Variants in MX1 observed in about 807,000 individuals in gnomAD.
MX1 encodes MX dynamin like GTPase 1.
Under a neutral mutation model 66.4 loss-of-function variants are expected in MX1, and 66 were observed. The ratio of observed to expected loss-of-function variants is 0.99; its 90% CI spans 0.82 to 1.22. MX1 has a LOEUF of 1.22. Among genes scored for constraint, MX1 ranks in the 50% most tolerant of loss-of-function variants. The pLI is 0.00. For synonymous variants in MX1, 311 were observed against 318.1 expected (o/e 0.98, Z 0.24); for missense variants, 787 against 834.3 (o/e 0.94, Z 0.70).
Position 41,458,627 on chromosome 21 carries a change from C to G in MX1, c.1858C>G (p.Leu620Val), listed in dbSNP as rs909825073. ...QQLQKAMLQL[L>V]QDKDTYSWLL... ...GCTTCAGAAGGCCATGCTGCAGCTC[C>G]TGCAGGACAAGGACACCTACAGCTG... is the stretch of plus-strand genomic sequence containing the variant. Residue 620 changes from leucine to valine, a missense_variant, in exon 17 of 17, where the codon CTG (leucine) becomes GTG (valine). Leu to Val is a conservative substitution (Grantham distance 32, BLOSUM62 1). Transcript: ENST00000398598. 12 of 1,614,152 alleles carry G rather than the reference C, an allele frequency of 7.4e-6. No individual in the cohort carries two copies. Among genetic ancestry groups the G allele is most frequent in the Non-Finnish European group, 9.3e-6 (11 of 1,180,060 alleles).
chr21:41,451,432 G>A (rs2090822356), intron 15 of MX1, among the ~76,000 whole-genome samples, 189 bp downstream of exon 15: 1 of 152,206 alleles, frequency 6.6e-6, no homozygotes, highest in South Asian at 2.1e-4. Flanking sequence ...AAAGGAGGGA[G>A]TGCTTAAACG....
Position 41,441,369 on chromosome 21 carries a change from C to A in MX1, c.730+344C>A, listed in dbSNP as rs867337078. 1.2e-5 allele frequency: 5 copies of A among 429,914 alleles called. No individual in the cohort carries two copies. The highest frequency in any genetic ancestry group is 6.3e-4 in the Middle Eastern group (1 of 1,588). The allele number at this position is 429,914 out of a possible 1,614,324, so 26.6% of individuals were successfully genotyped here. ...CAGAAAGGCACAGTGGGCTCGGAAG[C>A]AGGTCAAACTCAGGAGGCACATGGT... is the stretch of plus-strand genomic sequence containing the variant. On this transcript the variant is annotated intron_variant, in intron 9 of 16. Coordinates refer to ENST00000398598, the MANE Select transcript of MX1 (RefSeq NM_002462.5). This position sits in a 1 kb window ranked among gnomAD's most constrained non-coding sequence, Gnocchi z 4.0.
chr21:41,452,475 A>G, intron 15 of MX1, 146 bp from the exon 16 acceptor site: 1 of 866,050 alleles, frequency 1.2e-6, no homozygotes, highest in Non-Finnish European at 1.7e-6. Context: ...TAGATACACC[A>G]GGGCGCGGCC....
intron 5 of MX1, 117 bp from the exon 6 acceptor site, chr21:41,435,719 AC>A (rs2090338454): frequency 1.8e-6 from 2 of 1,136,372 alleles, no homozygotes; most frequent in South Asian, 2.9e-5. Context: ...CTCCCTTGAC[AC>A]GTAGGGATTA....
Position 41,451,188 on chromosome 21 carries a change from C to T in MX1, c.1454C>T (p.Thr485Ile). ...TTAGATATGGTCCGGCTTGCTTTCA[C>T]AGATGTTTCGATAAAAAATTTTGAA... Reference protein sequence around the residue: ...TVTDMVRLAFTDVSIKNFEEF... With the variant: ...TVTDMVRLAFIDVSIKNFEEF... The change falls in exon 15 of 17, where the codon ACA (threonine) becomes ATA (isoleucine). Residue 485 changes from threonine to isoleucine, a missense_variant. By Grantham distance (89) the Thr-to-Ile change is moderately conservative. Transcript: ENST00000398598. The T allele has an allele frequency of 1.9e-6, 3 of 1,611,906 alleles. No homozygotes were observed. Among genetic ancestry groups the T allele is most frequent in the Non-Finnish European group, 2.5e-6 (3 of 1,178,626 alleles).
upstream of MX1, among the ~76,000 whole-genome samples, chr21:41,421,662 C>T (rs1188152670): frequency 2.0e-5 from 3 of 152,180 alleles, no homozygotes; most frequent in Non-Finnish European, 4.4e-5. Context: ...TCCATTTAAC[C>T]CTGAGTGGAC....
chr21:41,433,335 C>A (rs2090274340), intron 5 of MX1, among the ~76,000 whole-genome samples: 1 of 152,208 alleles, frequency 6.6e-6, no homozygotes, highest in African/African-American at 2.4e-5. Context: ...CATGTGTAAA[C>A]CCTTGCACAT....
In MX1 at chr21:41,458,725, G is replaced by A. The variant is rs1432294657; in HGVS notation, c.1956G>A (p.Gln652=). 6.2e-7 allele frequency: 1 copy of A among 1,613,578 alleles called. No homozygotes were observed. Among genetic ancestry groups the A allele is most frequent in the Non-Finnish European group, 8.5e-7 (1 of 1,180,034 alleles). The change falls in exon 17 of 17, where the codon CAG becomes CAA. Residue 652 remains glutamine (Q), a synonymous_variant. Coordinates refer to ENST00000398598, the MANE Select transcript of MX1 (RefSeq NM_002462.5). The part of the protein sequence containing the change: ...FLKERLARLT[Q]ARRRLAQFPG Reference sequence around the variant, plus strand: ...AGGAGCGGCTTGCACGGCTGACGCAGGCTCGGCGCCGGCTTGCCCAGTTCC... The same window carrying A: ...AGGAGCGGCTTGCACGGCTGACGCAAGCTCGGCGCCGGCTTGCCCAGTTCC...
In MX1 at chr21:41,440,818, T is replaced by C. The variant is rs2090484404; in HGVS notation, c.592-69T>C. The C allele has an allele frequency of 1.9e-6, 3 of 1,589,764 alleles. No individual in the cohort carries two copies. In the South Asian group the frequency reaches 3.3e-5, roughly 18 times the overall value. ...CTTAGGGCCTAAAGCAAGTGCAAGG[T>C]CAGGACTTGTCTCACCTCTCACTTG... On this transcript the variant is annotated intron_variant, in intron 8 of 16. Coordinates refer to ENST00000398598, the MANE Select transcript of MX1 (RefSeq NM_002462.5).
rs141556368 is a variant in MX1, at chr21:41,443,845, C to T, written c.987C>T (p.Ser329=). 19 of 1,614,098 alleles carry T rather than the reference C, an allele frequency of 1.2e-5. No individual in the cohort carries two copies. The highest frequency in any genetic ancestry group is 1.6e-4 in the Middle Eastern group (1 of 6,084). ...CCTGCCTGGCAGAAAAACTTACCAG[C>T]GAGCTCATCACACATATCTGTGTAA... ...TVPCLAEKLT[S]ELITHICKSL... The change falls in exon 11 of 17, where the codon AGC becomes AGT. Residue 329 remains serine (S), a synonymous_variant. Coordinates refer to ENST00000398598, the MANE Select transcript of MX1 (RefSeq NM_002462.5).
At chr21:41,456,798 G>T (rs894205532) in intron 16 of MX1, among the ~76,000 whole-genome samples, 2 of 151,990 alleles carry the variant, frequency 1.3e-5, no homozygotes, top group Admixed American at 1.3e-4. Flanking sequence ...GTCTCACTCT[G>T]TCGCCCAGGC....
At chr21:41,434,634 A>G (rs1458308818) in intron 5 of MX1, among the ~76,000 whole-genome samples, 1 of 152,104 alleles carries the variant, frequency 6.6e-6, no homozygotes, top group East Asian at 1.9e-4. Flanking sequence ...CTTTAACTTA[A>G]TAAGTCAACC....
rs1601500612 is a variant in MX1, at chr21:41,440,501, A to G, written c.592-386A>G. ...CTCAAAACAAAAAACAAAACAAAAC[A>G]AGCAAGAAAGAAATAGGTATAATGA... On this transcript the variant is annotated intron_variant, in intron 8 of 16. Transcript: ENST00000398598. Among the ~76,000 whole-genome samples, 3 of 152,200 alleles carry G rather than the reference A, an allele frequency of 2.0e-5. No homozygotes were observed. The East Asian group carries it at 5.8e-4, about 29-fold the overall frequency.
chr21:41,448,711 C>T (rs1198091945), intron 13 of MX1, among the ~76,000 whole-genome samples: 3 of 152,016 alleles, frequency 2.0e-5, no homozygotes, highest in Admixed American at 6.6e-5. Flanking sequence ...GAGGCTGAGG[C>T]AGAAGAATGG....
At chr21:41,431,116 A>T (rs1187039726) in intron 4 of MX1, among the ~76,000 whole-genome samples, 1 of 152,150 alleles carries the variant, frequency 6.6e-6, no homozygotes, top group Non-Finnish European at 1.5e-5. Context: ...TTCACCTCCC[A>T]GGTTCAAGTG....
chr21:41,443,221 A>G (rs139816069), intron 10 of MX1, among the ~76,000 whole-genome samples: 2 of 152,326 alleles, frequency 1.3e-5, no homozygotes, highest in African/African-American at 4.8e-5. Flanking sequence ...TTATCCTAAA[A>G]TGTCCTATAA....
At chr21:41,431,242 C>T (rs1016025295) in intron 4 of MX1, among the ~76,000 whole-genome samples, 3 of 152,292 alleles carry the variant, frequency 2.0e-5, no homozygotes, top group Admixed American at 6.5e-5. Context: ...AAGCTCGCTT[C>T]GAACTCCTGA....
At chr21:41,449,111 TTA>T in intron 13 of MX1, 24 bp from the exon 14 acceptor site, 1 of 1,557,136 alleles carries the variant, frequency 6.4e-7, no homozygotes, top group Non-Finnish European at 8.7e-7. Flanking sequence ...GTAAAATAAT[TTA>T]GAGGGTTTTT....
rs769332382 is a variant in MX1 at position 41,452,687 on chromosome 21, C to T, written c.1576C>T (p.Gln526Ter). 15 of 1,614,074 alleles carry T rather than the reference C, an allele frequency of 9.3e-6. No homozygotes were observed. The highest frequency in any genetic ancestry group is 1.2e-5 in the Non-Finnish European group (14 of 1,180,046). The change falls in exon 16 of 17, where the codon CAG becomes TAG. Residue 526 changes from glutamine (Q) to a stop codon, truncating the protein, a stop_gained. Coordinates refer to ENST00000398598, the MANE Select transcript of MX1 (RefSeq NM_002462.5). LOFTEE classifies it high-confidence loss of function. ...TGAGAAGCTGATCCGCCTCCACTTCCAGATGGAACAGATTGTCTACTGCCA... is the reference window on the plus strand; with the variant it reads ...TGAGAAGCTGATCCGCCTCCACTTCTAGATGGAACAGATTGTCTACTGCCA... ...EGEKLIRLHF[Q>*]MEQIVYCQDQ...
Sources: allele counts gnomAD v4.1 joint callset (sites outside exome capture counted in the v4.1 genomes callset), GRCh38; gene constraint gnomAD v4.1.1; non-coding constraint Gnocchi (gnomAD v3.1); transcripts MANE v1.5; gene names NCBI Gene and HGNC (gene_info 2026-07-23, HGNC 2026-07-21).